The following PHF20L1 variants were observed in gnomAD, a reference collection of about 807,000 sequenced individuals.
The protein encoded by PHF20L1 is PHD finger protein 20-like protein 1.
A neutral mutation model predicts 125.5 loss-of-function variants in PHF20L1; 44 were observed. That is an observed-to-expected ratio of 0.35 (90% CI 0.28 to 0.45). The LOEUF (loss-of-function observed/expected upper bound fraction) is 0.45, where lower values mean the gene tolerates loss of function less well. Among genes scored for constraint, PHF20L1 ranks in the 20% least tolerant of loss-of-function variants. The pLI is 1.00. For synonymous variants in PHF20L1, 380 were observed against 403.1 expected, an observed-to-expected ratio of 0.94 and a Z score of 0.69; for missense variants, 1,012 against 1,217.2, an observed-to-expected ratio of 0.83 and a Z score of 2.51.
chr8:132,783,605 G>A (rs991199829), intron 2 of PHF20L1, among the ~76,000 whole-genome samples: 1 of 152,080 alleles, frequency 6.6e-6, no homozygotes, highest in Non-Finnish European at 1.5e-5. Flanking sequence ...ATATAGCATT[G>A]TAGGAACACC....
In PHF20L1 at chr8:132,819,604, G is replaced by A. The variant is rs1835357963; in HGVS notation, c.1579+2059G>A. 2.0e-5 allele frequency among the ~76,000 whole-genome samples: 3 copies of A among 151,274 alleles called. No individual in the cohort carries two copies. In the South Asian group the frequency reaches 6.2e-4, roughly 32 times the overall value. On this transcript the variant is annotated intron_variant, in intron 12 of 20. Coordinates refer to ENST00000395386, the MANE Select transcript of PHF20L1 (RefSeq NM_016018.5). ...TTATTCACCCTCTCTTGACTATTTTGCAGTATTTGTTATGCTTCTGTCTGT... is the reference window on the plus strand; with the variant it reads ...TTATTCACCCTCTCTTGACTATTTTACAGTATTTGTTATGCTTCTGTCTGT...
chr8:132,782,148 T>C (rs1432554917), intron 2 of PHF20L1, among the ~76,000 whole-genome samples: 1 of 152,146 alleles, frequency 6.6e-6, no homozygotes, highest in African/African-American at 2.4e-5. Flanking sequence ...ATCATAAGAA[T>C]AAAAATGAGT....
chr8:132,812,764 C>A (rs1834544182), intron 9 of PHF20L1: 2 of 983,170 alleles, frequency 2.0e-6, no homozygotes, highest in Admixed American at 6.2e-5. Context: ...CAGCAATAGA[C>A]CTAAAGGAGA....
intron 9 of PHF20L1, 95 bp from the exon 10 acceptor site, chr8:132,814,542 T>C: frequency 1.3e-6 from 1 of 795,702 alleles, no homozygotes; most frequent in Non-Finnish European, 1.9e-6. Context: ...TAACAATGTT[T>C]CTGGATACTA....
intron 14 of PHF20L1, 82 bp from the exon 15 acceptor site, chr8:132,832,153 G>A (rs770026582): frequency 1.9e-5 from 17 of 890,766 alleles, no homozygotes; most frequent in Non-Finnish European, 3.1e-5. Flanking sequence ...GGTGTATCCT[G>A]AAACATGACT....
rs981591690 is a variant in PHF20L1, at chr8:132,777,899, A to C, written c.71A>C (p.Tyr24Ser). Residue 24 changes from tyrosine to serine, a missense_variant, in exon 2 of 21, where the codon TAC (tyrosine) becomes TCC (serine). Tyr to Ser is a moderately radical substitution (Grantham distance 144). This residue lies in a region of PHF20L1 where 94 missense variants were observed against 179.5 expected (regional missense o/e 0.52). Transcript: ENST00000395386. ...EIGARLEALD[Y>S]LQKWYPSRIE... is the part of the protein sequence containing the mutation. ...GGTGCTCGTTTGGAGGCACTGGACT[A>C]CTTACAAAAATGGTATGGAAAATAT... 1.9e-6 allele frequency: 3 copies of C among 1,604,040 alleles called. No individual in the cohort carries two copies. Among genetic ancestry groups the C allele is most frequent in the East Asian group, 2.2e-5 (1 of 44,774 alleles).
intron 14 of PHF20L1, among the ~76,000 whole-genome samples, chr8:132,828,049 T>TA (rs1461225052): frequency 6.6e-6 from 1 of 152,032 alleles, no homozygotes; most frequent in African/African-American, 2.4e-5. Flanking sequence ...AAGTGGGAAA[T>TA]ACAGGATTTG....
intron 4 of PHF20L1, among the ~76,000 whole-genome samples, chr8:132,796,438 G>A (rs1288705446): frequency 6.6e-6 from 1 of 152,040 alleles, no homozygotes; most frequent in African/African-American, 2.4e-5. Context: ...GGTAAGAGAA[G>A]ATAGAAGAGG....
chr8:132,812,946 A>T (rs1834560353), intron 9 of PHF20L1: 15 of 947,328 alleles, frequency 1.6e-5, no homozygotes, highest in Non-Finnish European at 1.9e-5. Context: ...TTAATTATAG[A>T]TTATTTAATT....
At chr8:132,803,453 T>A (rs1379131520) in intron 6 of PHF20L1, 1 of 182,996 alleles carries the variant, frequency 5.5e-6, no homozygotes, top group East Asian at 1.6e-4. Flanking sequence ...CTTTGTATTA[T>A]GAGAAAGAGA....
rs375217376 is a variant in PHF20L1 at position 132,790,696 on chromosome 8, T to C, written c.84-3714T>C. On this transcript the variant is annotated intron_variant, in intron 2 of 20. Coordinates refer to ENST00000395386, the MANE Select transcript of PHF20L1 (RefSeq NM_016018.5). ...ATCCTACTTATCTTGAAATCCTCCA[T>C]GGCTGCTTGCCTAACTCAGAGTCAT... Among the ~76,000 whole-genome samples the C allele has an allele frequency of 7.2e-5, 11 of 152,332 alleles. 1 individual carries two copies. The highest frequency in any genetic ancestry group is 2.2e-4 in the African/African-American group (9 of 41,584).
chr8:132,806,344 G>A (rs1262808260), intron 8 of PHF20L1: 1 of 151,892 alleles, frequency 6.6e-6, no homozygotes, highest in African/African-American at 2.4e-5. Flanking sequence ...ACAGTAGTGG[G>A]GAAAAAAAGT....
At chr8:132,779,041 G>A (rs1830136810) in intron 2 of PHF20L1, among the ~76,000 whole-genome samples, 1 of 152,224 alleles carries the variant, frequency 6.6e-6, no homozygotes, top group African/African-American at 2.4e-5. Context: ...GTATAGACCA[G>A]GCTGGGGTTT....
Position 132,832,277 on chromosome 8 carries a change from G to C in PHF20L1, c.1787G>C (p.Arg596Thr). 6.2e-7 allele frequency: 1 copy of C among 1,605,724 alleles called. No individual in the cohort carries two copies. Among genetic ancestry groups the C allele is most frequent in the South Asian group, 1.1e-5 (1 of 90,864 alleles). Residue 596 changes from arginine to threonine, a missense_variant, in exon 15 of 21, where the codon AGG becomes ACG. Coordinates refer to ENST00000395386, the MANE Select transcript of PHF20L1 (RefSeq NM_016018.5). Reference sequence around the variant, plus strand: ...GACAGTTCCCTCGAATTTTTGGAAAGGTGCTCTTCTCCACTAACTCGATCT... The same window carrying C: ...GACAGTTCCCTCGAATTTTTGGAAACGTGCTCTTCTCCACTAACTCGATCT... ...YEDSSLEFLERCSSPLTRSSG... is the reference protein window; with the variant it reads ...YEDSSLEFLETCSSPLTRSSG...
intron 2 of PHF20L1, among the ~76,000 whole-genome samples, chr8:132,783,175 C>T (rs558519814): frequency 2.0e-5 from 3 of 152,016 alleles, no homozygotes; most frequent in African/African-American, 7.2e-5. Flanking sequence ...GAGATATGCT[C>T]CTCTGACTCT....
intron 12 of PHF20L1, chr8:132,818,132 C>G (rs960593022): frequency 6.6e-6 from 1 of 151,808 alleles, no homozygotes; most frequent in Non-Finnish European, 1.5e-5. Context: ...TGTATTTTAC[C>G]AAGCTGATAT....
chr8:132,790,231 T>C (rs957785224), intron 2 of PHF20L1, among the ~76,000 whole-genome samples: 1 of 152,194 alleles, frequency 6.6e-6, no homozygotes, highest in Non-Finnish European at 1.5e-5. Context: ...TAGTTCAGTA[T>C]ACAGAGGCAT....
At chr8:132,812,507 T>C in intron 9 of PHF20L1, 1 of 984,808 alleles carries the variant, frequency 1.0e-6, no homozygotes. Context: ...ATTTTCATAA[T>C]TAAAAACTTT....
At chr8:132,779,914 C>T (rs888961434) in intron 2 of PHF20L1, among the ~76,000 whole-genome samples, 4 of 152,268 alleles carry the variant, frequency 2.6e-5, no homozygotes, top group Middle Eastern at 3.4e-3. Context: ...AATGTACTCA[C>T]TGATGAAGTT....
Sources: gnomAD v4.1 joint callset for allele counts (sites outside exome capture counted in the v4.1 genomes callset) on GRCh38, gnomAD v4.1.1 for gene constraint, gnomAD v4.1.1 regional missense constraint, MANE v1.5 for transcripts, NCBI Gene and HGNC (gene_info 2026-07-23, HGNC 2026-07-21) for gene names.